The following CERS6 variants were observed in gnomAD, a reference collection of about 807,000 sequenced individuals.
CERS6 encodes the protein ceramide synthase 6.
A neutral mutation model predicts 56.8 loss-of-function variants in CERS6; 26 were observed. The observed-to-expected ratio is 0.46, with a 90% CI of 0.34 to 0.63. The LOEUF is 0.63. CERS6 is among the 30% of genes least tolerant of loss of function. The pLI, the probability that CERS6 is intolerant of heterozygous loss-of-function variation, is 0.01. For missense variants in CERS6, 415 were observed against 467.5 expected (o/e 0.89, Z 1.04); for synonymous variants, 164 against 173.3 (o/e 0.95, Z 0.42).
chr2:168,512,254 G>A (rs1694802244), intron 1 of CERS6, among the ~76,000 whole-genome samples: 1 of 152,036 alleles, frequency 6.6e-6, no homozygotes, highest in Non-Finnish European at 1.5e-5. Flanking sequence ...TTCTGGAGAT[G>A]GATGGTGGTG....
intron 8 of CERS6, among the ~76,000 whole-genome samples, chr2:168,752,318 TATAGAG>T (rs1182037879): frequency 7.2e-6 from 1 of 139,350 alleles, no homozygotes; most frequent in Non-Finnish European, 1.5e-5. Context: ...TGTGTGTGTG[TATAGAG>T]AGAGAGAGAG....
intron 3 of CERS6, among the ~76,000 whole-genome samples, chr2:168,565,239 T>A (rs1403083148): frequency 6.6e-6 from 1 of 152,200 alleles, no homozygotes; most frequent in Non-Finnish European, 1.5e-5. Context: ...AAAAAAGATC[T>A]AGAATAGTTG....
chr2:168,695,964 A>G (rs533694705), intron 6 of CERS6, among the ~76,000 whole-genome samples: 24 of 152,308 alleles, frequency 1.6e-4, no homozygotes, highest in African/African-American at 5.8e-4. Flanking sequence ...ATGATCCTCA[A>G]AGTAAATAAA....
intron 1 of CERS6, among the ~76,000 whole-genome samples, chr2:168,468,331 C>T (rs531319247): frequency 2.0e-5 from 3 of 152,278 alleles, no homozygotes; most frequent in South Asian, 4.1e-4. Context: ...GTTTATTGCA[C>T]GCAGTCTCAA....
intron 8 of CERS6, among the ~76,000 whole-genome samples, chr2:168,741,884 A>G (rs1006106291): frequency 3.9e-5 from 6 of 152,200 alleles, no homozygotes; most frequent in African/African-American, 1.4e-4. Context: ...TTCCAGGGTT[A>G]TGCAGGTGGC....
intron 4 of CERS6, among the ~76,000 whole-genome samples, chr2:168,645,374 G>T (rs1163617772): frequency 6.6e-6 from 1 of 150,624 alleles, no homozygotes; most frequent in Non-Finnish European, 1.5e-5. Flanking sequence ...CTCTAACTTA[G>T]CAGGAGAGGG....
intron 1 of CERS6, among the ~76,000 whole-genome samples, chr2:168,479,490 C>T (rs1418071871): frequency 1.3e-5 from 2 of 152,066 alleles, no homozygotes; most frequent in African/African-American, 4.8e-5. Flanking sequence ...GGGAAGGGCA[C>T]AATGTAAGTA....
rs1263205107 is a variant in CERS6 at position 168,456,982 on chromosome 2, C to T, written c.170+364C>T. Among the ~76,000 whole-genome samples, 1 of 152,236 alleles carries T rather than the reference C, an allele frequency of 6.6e-6. No homozygotes were observed. The highest frequency in any genetic ancestry group is 2.4e-5 in the African/African-American group (1 of 41,470). Reference sequence around the variant, plus strand: ...GGCTCGCCCCTCTCCGCCGGCGCGCCACGCAAGGCTGCCAGGCAGGGCTTC... The same window carrying T: ...GGCTCGCCCCTCTCCGCCGGCGCGCTACGCAAGGCTGCCAGGCAGGGCTTC... On this transcript the variant is annotated intron_variant, in intron 1 of 9. Transcript: ENST00000305747. The surrounding 1 kb of genome is among the most constrained non-coding windows in gnomAD (Gnocchi z 4.1).
chr2:168,683,896 G>T (rs549665048), intron 4 of CERS6, among the ~76,000 whole-genome samples: 1 of 152,264 alleles, frequency 6.6e-6, no homozygotes, highest in South Asian at 2.1e-4. Flanking sequence ...CTGAAAAGAG[G>T]CAGAAGTTGA....
intron 3 of CERS6, among the ~76,000 whole-genome samples, chr2:168,598,147 C>G (rs979120810): frequency 3.9e-5 from 6 of 152,212 alleles, no homozygotes; most frequent in African/African-American, 1.4e-4. Context: ...TGTTAAATTT[C>G]TTTGCTCCCT....
intron 8 of CERS6, among the ~76,000 whole-genome samples, chr2:168,726,116 T>G (rs182674233): frequency 4.5e-4 from 69 of 152,346 alleles, no homozygotes; most frequent in Admixed American, 2.7e-3. Flanking sequence ...GTTAAGTGAA[T>G]TAGGTACTCT....
chr2:168,589,589 G>A (rs1683625769), intron 3 of CERS6, among the ~76,000 whole-genome samples: 1 of 152,172 alleles, frequency 6.6e-6, no homozygotes, highest in African/African-American at 2.4e-5. Context: ...GAAAATGTTG[G>A]TGTCTTTCCT....
At chr2:168,537,388 A>G (rs1034908155) in intron 1 of CERS6, among the ~76,000 whole-genome samples, 2 of 152,250 alleles carry the variant, frequency 1.3e-5, no homozygotes, top group Non-Finnish European at 2.9e-5. Flanking sequence ...AGCAGAGTGT[A>G]TGACCATATC....
Position 168,598,702 on chromosome 2 carries a change from T to C in CERS6, c.408-32283T>C, listed in dbSNP as rs1337548086. 2.6e-5 allele frequency among the ~76,000 whole-genome samples: 4 copies of C among 152,228 alleles called. 1 individual carries two copies. The South Asian group carries it at 8.3e-4, about 32-fold the overall frequency. The stretch of plus-strand genomic sequence containing the variant: ...TTTAATAACGTAGCTTACAAGATTG[T>C]CTTCAATCTTCACTTCTGCAATATA... On this transcript the variant is annotated intron_variant, in intron 3 of 9. Coordinates refer to ENST00000305747, the MANE Select transcript of CERS6 (RefSeq NM_203463.3).
rs376213996 is a variant in CERS6, at chr2:168,563,845, G to A, written c.407+2523G>A. On this transcript the variant is annotated intron_variant, in intron 3 of 9. Coordinates refer to ENST00000305747, the MANE Select transcript of CERS6 (RefSeq NM_203463.3). Reference sequence around the variant, plus strand: ...GTGTGTTGTAGGATTGATATGGATAGTCAGTAAAGATTAAAGGGAAAGGAT... The same window carrying A: ...GTGTGTTGTAGGATTGATATGGATAATCAGTAAAGATTAAAGGGAAAGGAT... 8.0e-4 allele frequency among the ~76,000 whole-genome samples: 122 copies of A among 152,270 alleles called. 3 individuals carry two copies. In the South Asian group the frequency reaches 0.022, roughly 28 times the overall value.
chr2:168,484,820 T>G (rs1429545916), intron 1 of CERS6, among the ~76,000 whole-genome samples: 2 of 152,318 alleles, frequency 1.3e-5, no homozygotes, highest in East Asian at 1.9e-4. Context: ...GAATACTCAT[T>G]GGAAGCTGCC....
chr2:168,541,474 T>C (rs1695368420), intron 1 of CERS6, among the ~76,000 whole-genome samples: 1 of 152,162 alleles, frequency 6.6e-6, no homozygotes, highest in Non-Finnish European at 1.5e-5. Context: ...TCTCCATTTT[T>C]TCTTTCTTTT....
chr2:168,501,734 TG>T (rs1694584130), intron 1 of CERS6, among the ~76,000 whole-genome samples: 1 of 152,216 alleles, frequency 6.6e-6, no homozygotes, highest in African/African-American at 2.4e-5. Context: ...CCCAGAGGAC[TG>T]CAAGTGATAG....
intron 1 of CERS6, among the ~76,000 whole-genome samples, chr2:168,489,875 G>A (rs775631132): frequency 2.0e-5 from 3 of 151,954 alleles, no homozygotes; most frequent in Non-Finnish European, 2.9e-5. Flanking sequence ...CTAGTTCTTC[G>A]TATGTGGAAT....
Sources: allele counts gnomAD v4.1 joint callset (sites outside exome capture counted in the v4.1 genomes callset), GRCh38; gene constraint gnomAD v4.1.1; non-coding constraint Gnocchi (gnomAD v3.1); transcripts MANE v1.5; gene names NCBI Gene and HGNC (gene_info 2026-07-23, HGNC 2026-07-21).